ATP2C2: variants seen among roughly 807,000 people sequenced by gnomAD.
ATP2C2 encodes ATPase secretory pathway Ca2+ transporting 2.
In ATP2C2, 171 loss-of-function variants were observed where a neutral mutation model predicts 110.8. The observed-to-expected ratio is 1.54, with a 90% confidence interval of 1.36 to 1.75. The LOEUF (loss-of-function observed/expected upper bound fraction) is 1.75. Among genes scored for constraint, ATP2C2 ranks in the 40% most tolerant of loss-of-function variants. The probability of loss-of-function intolerance (pLI) is 0.00; values close to 1 mark genes in which losing one functional copy is unlikely to be tolerated. For synonymous variants in ATP2C2, 804 were observed against 508.4 expected (o/e 1.58, Z -7.82); for missense variants, 1,963 against 1,235.0 (o/e 1.59, Z -8.84).
At chr16:84,382,598 C>A (rs72804649) in intron 1 of ATP2C2, among the ~76,000 whole-genome samples, 11,088 of 152,248 alleles carry the variant, frequency 0.073, 498 homozygotes, top group Middle Eastern at 0.11. Flanking sequence ...TGACCATAGA[C>A]ATGGCCAAGC....
At chr16:84,376,039 C>A (rs997126216) in intron 1 of ATP2C2, among the ~76,000 whole-genome samples, 1 of 151,686 alleles carries the variant, frequency 6.6e-6, no homozygotes, top group East Asian at 1.9e-4. Flanking sequence ...CCAGGGGTGG[C>A]GGTGTATGAG....
chr16:84,441,970 AAAAAG>A (rs71151216), intron 14 of ATP2C2, among the ~76,000 whole-genome samples: 4 of 143,514 alleles, frequency 2.8e-5, no homozygotes, highest in African/African-American at 8.4e-5. Flanking sequence ...AGTAATAATA[AAAAAG>A]AAAAGAAAAG....
chr16:84,423,602 G>T (rs767306145), intron 10 of ATP2C2, among the ~76,000 whole-genome samples: 1 of 152,192 alleles, frequency 6.6e-6, no homozygotes, highest in Admixed American at 6.5e-5. Flanking sequence ...CTGTTACATT[G>T]CTGCTCTATC....
At chr16:84,460,212 C>G (rs1205200544) in intron 23 of ATP2C2, 1 of 216,216 alleles carries the variant, frequency 4.6e-6, no homozygotes, top group African/African-American at 2.3e-5. Flanking sequence ...CTCACCCGGC[C>G]ACTCCCACCA....
intron 20 of ATP2C2, among the ~76,000 whole-genome samples, chr16:84,453,758 C>A (rs764264053): frequency 6.6e-6 from 1 of 152,104 alleles, no homozygotes; most frequent in Non-Finnish European, 1.5e-5. Flanking sequence ...AACTGGGGGA[C>A]CTTTGCTACA....
chr16:84,405,523 T>A (rs988752628), intron 3 of ATP2C2, among the ~76,000 whole-genome samples: 3 of 152,170 alleles, frequency 2.0e-5, no homozygotes, highest in African/African-American at 7.2e-5. Context: ...CTAATCCTCC[T>A]CCTAATCCCG....
chr16:84,371,727 G>T (rs1909965462), intron 1 of ATP2C2, among the ~76,000 whole-genome samples: 2 of 152,186 alleles, frequency 1.3e-5, no homozygotes, highest in Admixed American at 1.3e-4. Context: ...TGCCTTCCTG[G>T]CTGGTGAGCA....
At chr16:84,455,624 G>T (rs1258077697) in intron 21 of ATP2C2, among the ~76,000 whole-genome samples, 1 of 151,888 alleles carries the variant, frequency 6.6e-6, no homozygotes, top group Non-Finnish European at 1.5e-5. Flanking sequence ...GTTAGTTGGG[G>T]GTGAGGGAAA....
At chr16:84,462,244 C>T in intron 26 of ATP2C2, 115 bp downstream of exon 26, 2 of 1,376,052 alleles carry the variant, frequency 1.5e-6, no homozygotes, top group South Asian at 1.4e-5. Context: ...CAGAGCTCAC[C>T]AGGGGCCGGC....
intron 22 of ATP2C2, 21 bp from the exon 23 acceptor site, chr16:84,459,249 C>T (rs777836674): frequency 1.2e-6 from 2 of 1,614,032 alleles, no homozygotes; most frequent in African/African-American, 2.7e-5. Flanking sequence ...CGGCCGCTGA[C>T]TGGCTGCGTG....
At chr16:84,420,440 G>T (rs893930166) in intron 7 of ATP2C2, among the ~76,000 whole-genome samples, 3 of 150,666 alleles carry the variant, frequency 2.0e-5, no homozygotes, top group Non-Finnish European at 3.0e-5. Flanking sequence ...TCTTCCCGGG[G>T]TGGGGGTCAT....
At chr16:84,428,979 C>A (rs188375914) in intron 11 of ATP2C2, among the ~76,000 whole-genome samples, 1 of 152,106 alleles carries the variant, frequency 6.6e-6, no homozygotes, top group East Asian at 1.9e-4. Flanking sequence ...GAATATATGC[C>A]CAGGTTCTCG....
chr16:84,369,524 G>A (rs940973721), intron 1 of ATP2C2, among the ~76,000 whole-genome samples: 14 of 150,158 alleles, frequency 9.3e-5, no homozygotes, highest in African/African-American at 2.7e-4. Flanking sequence ...TTTCATTTAC[G>A]CTTAAGCAGT....
intron 11 of ATP2C2, among the ~76,000 whole-genome samples, chr16:84,426,777 T>C (rs538834391): frequency 2.0e-5 from 3 of 152,220 alleles, no homozygotes; most frequent in African/African-American, 7.2e-5. Context: ...GCAATGGATG[T>C]AGAGCCCAAG....
At chr16:84,389,449 C>G (rs187415417) in intron 1 of ATP2C2, among the ~76,000 whole-genome samples, 1 of 152,362 alleles carries the variant, frequency 6.6e-6, no homozygotes, top group East Asian at 1.9e-4. Flanking sequence ...ACATGACACA[C>G]AGTCATGGTT....
chr16:84,460,007 A>G (rs975720920), intron 23 of ATP2C2: 6 of 238,410 alleles, frequency 2.5e-5, no homozygotes, highest in Admixed American at 5.0e-5. Flanking sequence ...ACGTGTGCGT[A>G]ACCGTATGAG....
At position 84,439,521 on chromosome 16, in the gene ATP2C2, C is replaced by G; in HGVS notation, c.1206C>G (p.Ala402=). ...TQLVTSDGLR[A]EVSGVGYDGQ... ...TTGTAACGTCAGATGGGCTTCGTGC[C>G]GAGGTGAGTGCCAAAGGAATTTACA... is the stretch of plus-strand genomic sequence containing the variant. The change falls in exon 13 of 27, where the codon GCC becomes GCG. Residue 402 remains alanine (A), a synonymous_variant. Transcript: ENST00000262429. 1.2e-6 allele frequency: 2 copies of G among 1,614,010 alleles called. No individual in the cohort carries two copies. The highest frequency in any genetic ancestry group is 1.3e-5 in the African/African-American group (1 of 75,012).
chr16:84,442,583 T>C lies in ATP2C2; in HGVS notation c.1385T>C (p.Met462Thr), dbSNP rs1909369884. 1.2e-6 allele frequency: 2 copies of C among 1,613,998 alleles called. No homozygotes were observed. The highest frequency in any genetic ancestry group is 2.2e-5 in the East Asian group (1 of 44,870). ...VMGQPTEGALMALAMKMDLSD... is the reference protein window; with the variant it reads ...VMGQPTEGALTALAMKMDLSD... ...GGGCAGCCCACCGAGGGTGCATTGA[T>C]GGCCCTGGCGATGAAGGTAGGAGGT... The change falls in exon 15 of 27, where the codon ATG becomes ACG. Residue 462 changes from methionine to threonine, a missense_variant. Coordinates refer to ENST00000262429, the MANE Select transcript of ATP2C2 (RefSeq NM_014861.4).
chr16:84,390,971 C>T (rs559861892), intron 1 of ATP2C2, among the ~76,000 whole-genome samples: 17 of 151,764 alleles, frequency 1.1e-4, no homozygotes, highest in African/African-American at 3.1e-4. Flanking sequence ...AAAATTAGCC[C>T]GGCGTGGTGG....
Sources: gnomAD v4.1 joint callset for allele counts (sites outside exome capture counted in the v4.1 genomes callset) on GRCh38, gnomAD v4.1.1 for gene constraint, MANE v1.5 for transcripts, NCBI Gene and HGNC (gene_info 2026-07-23, HGNC 2026-07-21) for gene names.